FRMD4B: variants seen among roughly 807,000 people sequenced by gnomAD.
The protein encoded by FRMD4B is FERM domain-containing protein 4B.
Under a neutral mutation model 141.5 loss-of-function variants are expected in FRMD4B, and 74 were observed. That is an observed-to-expected ratio of 0.52 (90% CI 0.43 to 0.63). FRMD4B has a LOEUF of 0.63. Ranked by LOEUF, FRMD4B falls within the 30% of genes least tolerant of loss-of-function variation. The probability of loss-of-function intolerance (pLI) is 0.00; values close to 1 mark genes in which losing one functional copy is unlikely to be tolerated. For synonymous variants in FRMD4B, 506 were observed against 467.9 expected, an observed-to-expected ratio of 1.08 and a Z score of -1.05; for missense variants, 1,366 against 1,253.4, an observed-to-expected ratio of 1.09 and a Z score of -1.36.
At chr3:69,374,168 G>A (rs944367440) in intron 1 of FRMD4B, among the ~76,000 whole-genome samples, 3 of 152,154 alleles carry the variant, frequency 2.0e-5, no homozygotes, top group African/African-American at 7.2e-5. Flanking sequence ...CATTTGAAGA[G>A]CTACTATTTC....
intron 11 of FRMD4B, among the ~76,000 whole-genome samples, chr3:69,207,480 C>T (rs2093034410): frequency 6.6e-6 from 1 of 152,016 alleles, no homozygotes; most frequent in African/African-American, 2.4e-5. Context: ...ACAGTTCAAC[C>T]ATGTGGTAAA....
At chr3:69,420,522 G>C (rs1440458590) in intron 2 of FRMD4B, among the ~76,000 whole-genome samples, 1 of 152,092 alleles carries the variant, frequency 6.6e-6, no homozygotes, top group African/African-American at 2.4e-5. Context: ...AAATTCAGGT[G>C]AATGTGTCTC....
intron 2 of FRMD4B, among the ~76,000 whole-genome samples, chr3:69,429,013 A>G (rs147139940): frequency 2.0e-3 from 306 of 152,314 alleles, no homozygotes; most frequent in Non-Finnish European, 3.3e-3. Flanking sequence ...ATGTTGTAGC[A>G]TGTGTCAGGA....
Position 69,283,867 on chromosome 3 carries a change from C to T in FRMD4B, c.501+3885G>A, listed in dbSNP as rs571400751. On this transcript the variant is annotated intron_variant, in intron 5 of 22. Transcript: ENST00000398540. ...TGATGCTGGGAACATTTTACTTTCC[C>T]GATAGACTCAGCCAAAAACTCTGCT... is the stretch of plus-strand genomic sequence containing the variant. Among the ~76,000 whole-genome samples the T allele has an allele frequency of 1.6e-4, 24 of 151,800 alleles. No individual in the cohort carries two copies. In the South Asian group the frequency reaches 2.1e-3, roughly 13 times the overall value.
At chr3:69,329,914 C>A (rs185768702) in intron 1 of FRMD4B, among the ~76,000 whole-genome samples, 4 of 152,152 alleles carry the variant, frequency 2.6e-5, no homozygotes, top group East Asian at 3.9e-4. Context: ...TTCACATGAA[C>A]CTCCCAAACC....
chr3:69,516,433 TG>T (rs1277161262), intron 1 of FRMD4B, among the ~76,000 whole-genome samples: 3 of 152,112 alleles, frequency 2.0e-5, no homozygotes, highest in Non-Finnish European at 4.4e-5. Flanking sequence ...GATTGGAAGA[TG>T]TTATACTGCA....
intron 5 of FRMD4B, among the ~76,000 whole-genome samples, chr3:69,271,849 C>A (rs1371789250): frequency 1.3e-5 from 2 of 152,056 alleles, no homozygotes; most frequent in African/African-American, 4.8e-5. Flanking sequence ...GTGGCGGACG[C>A]CTATAATCCC....
At chr3:69,334,979 A>T (rs1440586609) in intron 1 of FRMD4B, among the ~76,000 whole-genome samples, 1 of 152,120 alleles carries the variant, frequency 6.6e-6, no homozygotes, top group African/African-American at 2.4e-5. Context: ...TGTGATGGGG[A>T]GAGTTGTTAC....
intron 2 of FRMD4B, among the ~76,000 whole-genome samples, chr3:69,411,072 G>A (rs917620908): frequency 2.6e-5 from 4 of 151,976 alleles, no homozygotes; most frequent in African/African-American, 9.7e-5. Context: ...TGGGGACACC[G>A]CCATTCAGCC....
Position 69,181,115 on chromosome 3 carries a change from C to A in FRMD4B, c.2635G>T (p.Ala879Ser). 2 of 1,613,970 alleles carry A rather than the reference C, an allele frequency of 1.2e-6. No homozygotes were observed. Among genetic ancestry groups the A allele is most frequent in the South Asian group, 1.1e-5 (1 of 91,080 alleles). ...PYATLRLPRKAAAKSEHITKN... is the reference protein window; with the variant it reads ...PYATLRLPRKSAAKSEHITKN... ...GTGATGTGCTCCGATTTTGCAGCAGCCTTCCTTGGCAGCCGGAGAGTTGCA... is the reference window on the plus strand; with the variant it reads ...GTGATGTGCTCCGATTTTGCAGCAGACTTCCTTGGCAGCCGGAGAGTTGCA... Residue 879 changes from alanine (A) to serine (S), a missense_variant, in exon 21 of 23, where the codon GCT (alanine) becomes TCT (serine). By Grantham distance (99) the Ala-to-Ser change is moderately conservative. Coordinates refer to ENST00000398540, the MANE Select transcript of FRMD4B (RefSeq NM_015123.3).
chr3:69,326,776 T>C (rs1486586505), intron 1 of FRMD4B, among the ~76,000 whole-genome samples: 1 of 152,240 alleles, frequency 6.6e-6, no homozygotes, highest in Non-Finnish European at 1.5e-5. Flanking sequence ...ATTCTCTTTA[T>C]ATTCTGACTG....
At chr3:69,381,459 G>T (rs7610842) in intron 1 of FRMD4B, among the ~76,000 whole-genome samples, 25,902 of 152,116 alleles carry the variant, frequency 0.17, 2,437 homozygotes, top group East Asian at 0.4. Context: ...CTAGAGTGAT[G>T]AAGCTTTGGC....
chr3:69,260,443 G>C (rs905608647), intron 5 of FRMD4B, among the ~76,000 whole-genome samples: 2 of 152,234 alleles, frequency 1.3e-5, no homozygotes, highest in Admixed American at 6.5e-5. Context: ...GGGTGCACCG[G>C]GTCCCCCAGC....
At chr3:69,412,113 T>A (rs60519727) in intron 2 of FRMD4B, among the ~76,000 whole-genome samples, 46,552 of 152,054 alleles carry the variant, frequency 0.31, 7,361 homozygotes, top group East Asian at 0.44. Context: ...GGTGGGTCCA[T>A]TTATTATGCC....
At chr3:69,459,857 A>T (rs1412319340) in intron 1 of FRMD4B, among the ~76,000 whole-genome samples, 1 of 152,218 alleles carries the variant, frequency 6.6e-6, no homozygotes, top group Non-Finnish European at 1.5e-5. Context: ...TGTCTGTAAC[A>T]AACTCACAGC....
At chr3:69,188,055 A>C in intron 18 of FRMD4B, 138 bp from the exon 19 acceptor site, 1 of 641,866 alleles carries the variant, frequency 1.6e-6, no homozygotes, top group Non-Finnish European at 2.8e-6. Context: ...TTTTAGAAGA[A>C]CATAACTCTT....
chr3:69,491,152 A>T (rs1004115958), intron 1 of FRMD4B, among the ~76,000 whole-genome samples: 1 of 152,232 alleles, frequency 6.6e-6, no homozygotes, highest in East Asian at 1.9e-4. Context: ...AGGAAAATCA[A>T]AGCGGAGTCT....
At chr3:69,194,619 C>T (rs1405509849) in intron 16 of FRMD4B, among the ~76,000 whole-genome samples, 5 of 152,082 alleles carry the variant, frequency 3.3e-5, no homozygotes, top group East Asian at 1.9e-4. Flanking sequence ...CATTGGATCC[C>T]GTGGAGGGAA....
chr3:69,361,310 C>T (rs1159416948), intron 1 of FRMD4B, among the ~76,000 whole-genome samples: 1 of 152,096 alleles, frequency 6.6e-6, no homozygotes, highest in East Asian at 1.9e-4. Context: ...TCCTTGCTAC[C>T]TGGGATAAAA....
Sources: gnomAD v4.1 joint callset for allele counts (sites outside exome capture counted in the v4.1 genomes callset) on GRCh38, gnomAD v4.1.1 for gene constraint, MANE v1.5 for transcripts, NCBI Gene and HGNC (gene_info 2026-07-23, HGNC 2026-07-21) for gene names.